GPAT3: variants seen among roughly 807,000 people sequenced by gnomAD.
The protein encoded by GPAT3 is 1-AGP acyltransferase 9.
GPAT3 carries 53 observed loss-of-function variants against 58.8 expected under a neutral mutation model. The ratio of observed to expected loss-of-function variants is 0.90; its 90% CI spans 0.72 to 1.13. The LOEUF is 1.13. Among genes scored for constraint, GPAT3 ranks in the 50% most tolerant of loss-of-function variants. The probability of loss-of-function intolerance (pLI) is 0.00; values close to 1 mark genes in which losing one functional copy is unlikely to be tolerated. For missense variants in GPAT3, 511 were observed against 527.6 expected (o/e 0.97, Z 0.31); for synonymous variants, 197 against 187.4 (o/e 1.05, Z -0.42).
intron 2 of GPAT3, among the ~76,000 whole-genome samples, chr4:83,564,621 C>G (rs1210142048): frequency 6.6e-6 from 1 of 152,036 alleles, no homozygotes; most frequent in Non-Finnish European, 1.5e-5. Flanking sequence ...ATCACAGGAG[C>G]TCAGGTGGTT....
Position 83,598,751 on chromosome 4 carries a change from CTTTTTTTTTT to C in GPAT3, c.1205+55_1205+64del, listed in dbSNP as rs70965361. On this transcript the variant is annotated intron_variant, in intron 11 of 11. Transcript: ENST00000264409. ...AAGAGAACTTTCAGAAGTACTATCA[CTTTTTTTTTT>C]TTTTTTTTTTTTTTTTTTTTTTTTT... The C allele has an allele frequency of 3.3e-3, 501 of 152,178 alleles. 3 individuals carry two copies. The highest frequency in any genetic ancestry group is 0.028 in the African/African-American group (337 of 12,076). 9.4% of individuals were successfully genotyped at this position (152,178 alleles called of 1,614,324 possible).
rs1026351211 is a variant in GPAT3 at position 83,536,389 on chromosome 4, C to T, written c.-234C>T. 7.6e-7 allele frequency: 1 copy of T among 1,324,368 alleles called. No homozygotes were observed. Among genetic ancestry groups the T allele is most frequent in the Admixed American group, 3.5e-5 (1 of 28,532 alleles). 82.0% of individuals were successfully genotyped at this position (1,324,368 alleles called of 1,614,324 possible). ...ACGCCGCGGTGGCTTCAGCCCAGACCTGGGCAGCCAGCGGAGAAAGAGTTA... is the reference window on the plus strand; with the variant it reads ...ACGCCGCGGTGGCTTCAGCCCAGACTTGGGCAGCCAGCGGAGAAAGAGTTA... On this transcript the variant is annotated 5_prime_UTR_variant, in exon 1 of 12. Coordinates refer to ENST00000264409, the MANE Select transcript of GPAT3 (RefSeq NM_032717.5).
chr4:83,592,343 G>A (rs1224112814), intron 6 of GPAT3, among the ~76,000 whole-genome samples: 1 of 152,160 alleles, frequency 6.6e-6, no homozygotes, highest in Non-Finnish European at 1.5e-5. Flanking sequence ...TGGAGGTGGC[G>A]TAAGGCAGAT....
upstream of GPAT3, chr4:83,535,641 C>G (rs1425883112): frequency 1.1e-6 from 1 of 926,416 alleles, no homozygotes; most frequent in Non-Finnish European, 1.3e-6. Context: ...GGTTTCTGTG[C>G]CAGGGAGATG....
At chr4:83,582,475 G>A (rs1726180454) in intron 3 of GPAT3, among the ~76,000 whole-genome samples, 2 of 152,212 alleles carry the variant, frequency 1.3e-5, no homozygotes, top group South Asian at 2.1e-4. Flanking sequence ...AAGGCACTGC[G>A]TGGTGGGATG....
chr4:83,535,834 C>A (rs1032080289), upstream of GPAT3: 3 of 985,500 alleles, frequency 3.0e-6, no homozygotes, highest in Non-Finnish European at 3.6e-6. Context: ...GTTCGTTTTA[C>A]ACCCACACAA....
rs555627732 is a variant in GPAT3, at chr4:83,536,416, C to G, written c.-207C>G. 1.2e-4 allele frequency: 168 copies of G among 1,362,254 alleles called. No individual in the cohort carries two copies. The East Asian group carries it at 4.2e-3, about 34-fold the overall frequency. The allele number at this position is 1,362,254 out of a possible 1,614,324, so 84.4% of individuals were successfully genotyped here. On this transcript the variant is annotated 5_prime_UTR_variant, in exon 1 of 12. Transcript: ENST00000264409. ...GGGCAGCCAGCGGAGAAAGAGTTAA[C>G]TGGCAGGGGCGAGGAGGAGCCCAGG...
intron 2 of GPAT3, among the ~76,000 whole-genome samples, chr4:83,557,805 T>C (rs1353607784): frequency 6.6e-6 from 1 of 152,234 alleles, no homozygotes; most frequent in Non-Finnish European, 1.5e-5. Flanking sequence ...GGTTTTGGCA[T>C]GCATTTGATT....
intron 2 of GPAT3, among the ~76,000 whole-genome samples, chr4:83,554,661 C>T (rs1724882908): frequency 6.6e-6 from 1 of 152,138 alleles, no homozygotes; most frequent in South Asian, 2.1e-4. Context: ...GTCTGTTCTA[C>T]TCAAAAGCCC....
intron 2 of GPAT3, among the ~76,000 whole-genome samples, chr4:83,578,933 CTTTCTTTTCTTTTCTT>C (rs1480029715): frequency 0.03 from 232 of 7,718 alleles, 1 homozygote; most frequent in East Asian, 0.073. Context: ...TTCTTTCTTT[CTTTCTTTTCTTTTCTT>C]TTCTTTCTTT....
chr4:83,583,063 C>G (rs1450160536), intron 3 of GPAT3, among the ~76,000 whole-genome samples: 1 of 151,384 alleles, frequency 6.6e-6, no homozygotes, highest in Non-Finnish European at 1.5e-5. Context: ...TTTGGGAGGC[C>G]GAGGTGGGCG....
intron 2 of GPAT3, among the ~76,000 whole-genome samples, chr4:83,568,081 C>T (rs1243803165): frequency 6.6e-6 from 1 of 151,632 alleles, no homozygotes; most frequent in African/African-American, 2.4e-5. Context: ...GCTTTCTCTC[C>T]TGCCCTTATT....
intron 7 of GPAT3, among the ~76,000 whole-genome samples, chr4:83,596,375 C>T (rs1444984258): frequency 6.6e-6 from 1 of 152,142 alleles, no homozygotes. Context: ...AATCCCAGCA[C>T]TTGGGGAGGT....
At chr4:83,602,537 A>G (rs898589893) in intron 11 of GPAT3, among the ~76,000 whole-genome samples, 9 of 145,848 alleles carry the variant, frequency 6.2e-5, no homozygotes, top group African/African-American at 1.9e-4. Flanking sequence ...TGGCTTTTAT[A>G]TATGGCTGCT....
intron 2 of GPAT3, among the ~76,000 whole-genome samples, chr4:83,570,882 A>G (rs926909920): frequency 6.6e-6 from 1 of 152,194 alleles, no homozygotes; most frequent in African/African-American, 2.4e-5. Context: ...GATTTTTTAC[A>G]TATTTGTAGG....
intron 3 of GPAT3, among the ~76,000 whole-genome samples, chr4:83,583,683 A>G (rs1206652701): frequency 6.7e-6 from 1 of 148,672 alleles, no homozygotes; most frequent in East Asian, 2.0e-4. Flanking sequence ...AAAAAAAAAA[A>G]AAAAAAAAAA....
intron 3 of GPAT3, among the ~76,000 whole-genome samples, chr4:83,585,083 T>A (rs1726329105): frequency 6.6e-6 from 1 of 152,202 alleles, no homozygotes; most frequent in South Asian, 2.1e-4. Flanking sequence ...AAAACATTAT[T>A]TTAAAAGTTT....
chr4:83,596,989 A>G (rs1179429521), intron 8 of GPAT3, 76 bp downstream of exon 8: 4 of 1,391,718 alleles, frequency 2.9e-6, no homozygotes, highest in Admixed American at 3.8e-5. Flanking sequence ...TAGAATTGCC[A>G]TAGAATTGGC....
chr4:83,598,578 T>G, intron 10 of GPAT3, 66 bp from the exon 11 acceptor site: 1 of 1,244,488 alleles, frequency 8.0e-7, no homozygotes, highest in South Asian at 1.3e-5. Flanking sequence ...ATACAAATGA[T>G]TATGAGATGG....
Sources: gnomAD v4.1 joint callset for allele counts (sites outside exome capture counted in the v4.1 genomes callset) on GRCh38, gnomAD v4.1.1 for gene constraint, MANE v1.5 for transcripts, NCBI Gene and HGNC (gene_info 2026-07-23, HGNC 2026-07-21) for gene names.